Variants in ME2 observed in about 807,000 individuals in gnomAD.
ME2 encodes malic enzyme 2, also known as NAD-dependent malic enzyme, mitochondrial.
ME2 carries 60 observed loss-of-function variants against 73.7 expected under a neutral mutation model. That is an observed-to-expected ratio of 0.81 (90% CI 0.66 to 1.01). ME2 has a LOEUF of 1.01. Among genes scored for constraint, ME2 ranks in the 50% least tolerant of loss-of-function variants. The probability of loss-of-function intolerance (pLI) is 0.00; values close to 1 mark genes in which losing one functional copy is unlikely to be tolerated. For missense variants in ME2, 594 were observed against 705.5 expected, an observed-to-expected ratio of 0.84 and a Z score of 1.79; for synonymous variants, 199 against 236.9, an observed-to-expected ratio of 0.84 and a Z score of 1.47.
At chr18:50,912,670 G>A in intron 3 of ME2, 131 bp from the exon 4 acceptor site, 2 of 764,612 alleles carry the variant, frequency 2.6e-6, no homozygotes, top group Non-Finnish European at 3.8e-6. Flanking sequence ...AAGGTTTTGG[G>A]TTTTTTTTAG....
intron 12 of ME2, among the ~76,000 whole-genome samples, chr18:50,927,139 T>G (rs1917571489): frequency 1.3e-5 from 2 of 152,178 alleles, no homozygotes; most frequent in Admixed American, 6.5e-5. Flanking sequence ...GACATTTGGG[T>G]TTTTTTCCTA....
At chr18:50,912,651 T>G (rs1422344541) in intron 3 of ME2, 150 bp from the exon 4 acceptor site, 1 of 552,016 alleles carries the variant, frequency 1.8e-6, no homozygotes, top group Non-Finnish European at 3.0e-6. Context: ...TGTTAAATAG[T>G]AATAATCTAA....
intron 2 of ME2, among the ~76,000 whole-genome samples, chr18:50,901,400 A>G (rs1916886863): frequency 6.6e-6 from 1 of 152,184 alleles, no homozygotes; most frequent in Non-Finnish European, 1.5e-5. Context: ...CTTATATTAG[A>G]TTGTACAAGG....
intron 3 of ME2, among the ~76,000 whole-genome samples, chr18:50,910,730 C>G (rs1917135960): frequency 6.6e-6 from 1 of 152,164 alleles, no homozygotes; most frequent in Non-Finnish European, 1.5e-5. Flanking sequence ...CCCTTCTCTT[C>G]AGAGAGTTCA....
In ME2 at chr18:50,912,879, A is replaced by C. The variant is rs752119715; in HGVS notation, c.321A>C (p.Leu107Phe). The C allele has an allele frequency of 1.9e-6, 3 of 1,612,102 alleles. No individual in the cohort carries two copies. The South Asian group carries it at 3.3e-5, about 18-fold the overall frequency. The change falls in exon 4 of 16, where the codon TTA becomes TTC. Residue 107 changes from leucine (L) to phenylalanine (F), a missense_variant. Physicochemically the swap from Leu to Phe is conservative, Grantham distance 22. Coordinates refer to ENST00000321341, the MANE Select transcript of ME2 (RefSeq NM_002396.5). ...TACTGCAAGATGACATTGAGAGTTT[A>C]ATGCCAATTGTATATACACCGACGG... ...YRILQDDIES[L>F]MPIVYTPTVG...
Position 50,949,905 on chromosome 18 carries a change from C to T in ME2, c.*2721C>T, listed in dbSNP as rs1296835512. On this transcript the variant is annotated 3_prime_UTR_variant, in exon 16 of 16. Transcript: ENST00000321341. Reference sequence around the variant, plus strand: ...ATTTAAGCTAAGAATACAGGAAGGACTATGAGCATTGAGGAAATCGGGGGA... The same window carrying T: ...ATTTAAGCTAAGAATACAGGAAGGATTATGAGCATTGAGGAAATCGGGGGA... 1 of 152,122 alleles carries T rather than the reference C, an allele frequency of 6.6e-6. No homozygotes were observed. Among genetic ancestry groups the T allele is most frequent in the Non-Finnish European group, 1.5e-5 (1 of 68,028 alleles). 9.4% of individuals were successfully genotyped at this position (152,122 alleles called of 1,614,324 possible). A position where few individuals can be genotyped will look rare whatever the true frequency, so the allele number is the denominator to read the frequency against.
intron 1 of ME2, among the ~76,000 whole-genome samples, chr18:50,883,805 G>A (rs746997274): frequency 6.6e-6 from 1 of 152,158 alleles, no homozygotes; most frequent in Non-Finnish European, 1.5e-5. Context: ...GGAGGTTGCA[G>A]TGAGCCAAGA....
intron 12 of ME2, among the ~76,000 whole-genome samples, chr18:50,928,149 A>G (rs975332258): frequency 6.7e-6 from 1 of 149,778 alleles, no homozygotes; most frequent in African/African-American, 2.5e-5. Context: ...TGCAATTAAA[A>G]TTTTCTGATG....
intron 12 of ME2, among the ~76,000 whole-genome samples, chr18:50,926,737 A>G (rs936933859): frequency 4.6e-5 from 7 of 151,690 alleles, no homozygotes; most frequent in South Asian, 4.2e-4. Flanking sequence ...CTTTGGCCCT[A>G]TTTTCCAGTT....
At chr18:50,920,784 T>G in intron 9 of ME2, 26 bp downstream of exon 9, 1 of 1,510,272 alleles carries the variant, frequency 6.6e-7, no homozygotes, top group South Asian at 1.2e-5. Flanking sequence ...TTTTTGAAAC[T>G]TAAGCCTATC....
At chr18:50,945,852 C>T (rs1216425298) in intron 15 of ME2, among the ~76,000 whole-genome samples, 5 of 151,994 alleles carry the variant, frequency 3.3e-5, no homozygotes, top group Admixed American at 1.3e-4. Flanking sequence ...GGATCACCTG[C>T]GGTCAAGAGT....
At chr18:50,934,020 T>C (rs1917760388) in intron 13 of ME2, 1 of 151,706 alleles carries the variant, frequency 6.6e-6, no homozygotes, top group East Asian at 1.9e-4. Flanking sequence ...CTGCATAGTA[T>C]TTTTTTTTAT....
intron 1 of ME2, among the ~76,000 whole-genome samples, chr18:50,884,745 A>G (rs976168497): frequency 6.6e-6 from 1 of 152,148 alleles, no homozygotes; most frequent in African/African-American, 2.4e-5. Context: ...TCCAAAATGT[A>G]TTTTTTGGGG....
At chr18:50,913,492 C>T (rs2144226044) in intron 4 of ME2, among the ~76,000 whole-genome samples, 1 of 152,070 alleles carries the variant, frequency 6.6e-6, no homozygotes, top group Middle Eastern at 3.4e-3. Context: ...CGCCACCATG[C>T]CTGCTAATTT....
intron 15 of ME2, among the ~76,000 whole-genome samples, chr18:50,941,595 G>A (rs566139542): frequency 2.1e-4 from 31 of 149,908 alleles, no homozygotes; most frequent in South Asian, 8.4e-4. Flanking sequence ...GGCTGGTCTC[G>A]AACTCCTGAC....
chr18:50,902,678 T>C (rs1750687210), intron 2 of ME2, among the ~76,000 whole-genome samples: 1 of 152,250 alleles, frequency 6.6e-6, no homozygotes, highest in African/African-American at 2.4e-5. Flanking sequence ...ATTACAGGCG[T>C]GAGCCACTGT....
intron 4 of ME2, 96 bp downstream of exon 4, chr18:50,913,046 C>T: frequency 8.8e-7 from 1 of 1,136,604 alleles, no homozygotes. Flanking sequence ...TGTTTGTTAG[C>T]CAAATCACAT....
chr18:50,903,126 A>G (rs643078), intron 2 of ME2, among the ~76,000 whole-genome samples: 103,901 of 151,972 alleles, frequency 0.68, 35,948 homozygotes, highest in African/African-American at 0.79. Flanking sequence ...AGACTTGGGA[A>G]AAGTGGCAAA....
chr18:50,927,751 T>TATATATATATATAC (rs1316314513), intron 12 of ME2, among the ~76,000 whole-genome samples: 104 of 123,276 alleles, frequency 8.4e-4, no homozygotes, highest in African/African-American at 2.1e-3. Flanking sequence ...TATATATATA[T>TATATATATATATAC]ACACACCACA....
Sources: allele counts gnomAD v4.1 joint callset (sites outside exome capture counted in the v4.1 genomes callset), GRCh38; gene constraint gnomAD v4.1.1; transcripts MANE v1.5; gene names NCBI Gene and HGNC (gene_info 2026-07-23, HGNC 2026-07-21).